MS4A4A: variants seen among roughly 807,000 people sequenced by gnomAD.
The protein encoded by MS4A4A is membrane spanning 4-domains A4A, also known as membrane-spanning 4-domains subfamily A member 4A.
In MS4A4A, 26 loss-of-function variants were observed where a neutral mutation model predicts 28.0. The observed-to-expected ratio is 0.93, with a 90% CI of 0.68 to 1.29. The LOEUF (loss-of-function observed/expected upper bound fraction) is 1.29. Ranked by LOEUF, MS4A4A falls within the 50% of genes most tolerant of loss-of-function variation. The pLI is 0.00. For synonymous variants in MS4A4A, 86 were observed against 100.8 expected, an observed-to-expected ratio of 0.85 and a Z score of 0.88; for missense variants, 290 against 293.1, an observed-to-expected ratio of 0.99 and a Z score of 0.08.
At chr11:60,306,792 CA>C (rs1219855115) in intron 6 of MS4A4A, among the ~76,000 whole-genome samples, 2 of 152,210 alleles carry the variant, frequency 1.3e-5, no homozygotes, top group African/African-American at 4.8e-5. Context: ...GAGGATATTT[CA>C]CAATGAAGAG....
intron 6 of MS4A4A, among the ~76,000 whole-genome samples, chr11:60,307,061 C>G (rs1385306272): frequency 6.6e-6 from 1 of 152,172 alleles, no homozygotes; most frequent in Non-Finnish European, 1.5e-5. Flanking sequence ...GGGATATCCT[C>G]CAAGAGTTGA....
intron 1 of MS4A4A, among the ~76,000 whole-genome samples, chr11:60,291,280 T>C (rs2084853747): frequency 6.6e-6 from 1 of 152,210 alleles, no homozygotes; most frequent in African/African-American, 2.4e-5. Flanking sequence ...GAGATTTAGA[T>C]TTGTGGTGCC....
intron 1 of MS4A4A, 139 bp downstream of exon 1, chr11:60,280,855 G>A: frequency 1.0e-6 from 1 of 956,538 alleles, no homozygotes; most frequent in Non-Finnish European, 1.6e-6. Context: ...GGGTTGGGGT[G>A]GGTTGAGTGC....
At chr11:60,296,900 G>C in intron 2 of MS4A4A, 1 of 317,152 alleles carries the variant, frequency 3.2e-6, no homozygotes, top group South Asian at 3.2e-5. Flanking sequence ...GAGAAAAAAA[G>C]AGAAATAATT....
intron 1 of MS4A4A, 99 bp from the exon 2 acceptor site, chr11:60,292,126 T>C: frequency 7.3e-7 from 1 of 1,370,002 alleles, no homozygotes; most frequent in South Asian, 1.6e-5. Context: ...GAAGAGAATG[T>C]AGACCAGATT....
chr11:60,295,849 T>C (rs1300193751), intron 2 of MS4A4A, among the ~76,000 whole-genome samples: 1 of 152,168 alleles, frequency 6.6e-6, no homozygotes, highest in African/African-American at 2.4e-5. Flanking sequence ...CAAGTGGTCA[T>C]GGTACACAAT....
chr11:60,292,184 C>T (rs1006003426), intron 1 of MS4A4A, 41 bp from the exon 2 acceptor site: 1 of 1,494,986 alleles, frequency 6.7e-7, no homozygotes, highest in Non-Finnish European at 8.9e-7. Flanking sequence ...CCTCTTTTGC[C>T]ATTTCCAGGA....
chr11:60,287,782 A>C lies in MS4A4A; in HGVS notation c.42-4443A>C, dbSNP rs558403951. Among the ~76,000 whole-genome samples, 9 of 152,336 alleles carry C rather than the reference A, an allele frequency of 5.9e-5. No individual in the cohort carries two copies. The South Asian group carries it at 1.9e-3, about 32-fold the overall frequency. On this transcript the variant is annotated intron_variant, in intron 1 of 6. Transcript: ENST00000337908. ...ACAAGTGATTTGTCTTCAAAATATA[A>C]TGGTGAAACAGGTGCAGAATAGACT...
At chr11:60,303,295 T>C (rs761620211) in intron 5 of MS4A4A, among the ~76,000 whole-genome samples, 100 of 152,226 alleles carry the variant, frequency 6.6e-4, no homozygotes, top group Non-Finnish European at 1.8e-4. Flanking sequence ...AAATGCCACC[T>C]ACACAATATT....
chr11:60,291,062 A>G (rs2084851742), intron 1 of MS4A4A, among the ~76,000 whole-genome samples: 1 of 152,258 alleles, frequency 6.6e-6, no homozygotes, highest in African/African-American at 2.4e-5. Context: ...GAAGTTGATC[A>G]TGAAACACCT....
At chr11:60,304,512 C>T (rs181660153) in intron 5 of MS4A4A, among the ~76,000 whole-genome samples, 2 of 152,306 alleles carry the variant, frequency 1.3e-5, no homozygotes, top group African/African-American at 4.8e-5. Flanking sequence ...AGCAGAGGAC[C>T]TCCATAAGGG....
At chr11:60,293,115 T>A (rs1273594116) in intron 2 of MS4A4A, among the ~76,000 whole-genome samples, 3 of 152,220 alleles carry the variant, frequency 2.0e-5, no homozygotes, top group Non-Finnish European at 4.4e-5. Context: ...TGGAGTGCAG[T>A]GGCACAATCT....
chr11:60,292,414 G>C (rs372690557), intron 2 of MS4A4A, 30 bp downstream of exon 2: 2 of 1,552,450 alleles, frequency 1.3e-6, no homozygotes, highest in African/African-American at 1.4e-5. Flanking sequence ...GAAGACCAAT[G>C]GTGTTGCAAA....
chr11:60,288,110 A>G (rs531232933), intron 1 of MS4A4A, among the ~76,000 whole-genome samples: 2 of 151,772 alleles, frequency 1.3e-5, no homozygotes, highest in Non-Finnish European at 2.9e-5. Flanking sequence ...CCTAACTGGG[A>G]CTCTGTGTTG....
chr11:60,294,907 TC>T (rs1565145948), intron 2 of MS4A4A, among the ~76,000 whole-genome samples: 1 of 88,552 alleles, frequency 1.1e-5, no homozygotes, highest in African/African-American at 3.2e-5. Context: ...TTCTTCTTCT[TC>T]TTCTTCTTCT....
At chr11:60,282,781 G>T in intron 1 of MS4A4A, 5 of 1,203,378 alleles carry the variant, frequency 4.2e-6, no homozygotes, top group Non-Finnish European at 5.3e-6. Flanking sequence ...CCGAGCTTTT[G>T]TTATCAACAT....
chr11:60,295,504 C>T (rs2084898306), intron 2 of MS4A4A, among the ~76,000 whole-genome samples: 1 of 152,012 alleles, frequency 6.6e-6, no homozygotes, highest in South Asian at 2.1e-4. Flanking sequence ...CTTACTGTTT[C>T]TGCTATGACT....
At chr11:60,301,090 AAAGG>A in intron 4 of MS4A4A, 33 bp downstream of exon 4, 4 of 1,496,148 alleles carry the variant, frequency 2.7e-6, no homozygotes, top group Non-Finnish European at 3.6e-6. Context: ...GGTATCAAAA[AAAGG>A]AAGGATTAAT....
intron 2 of MS4A4A, among the ~76,000 whole-genome samples, chr11:60,292,926 C>T (rs558488215): frequency 2.0e-5 from 3 of 152,236 alleles, no homozygotes; most frequent in African/African-American, 7.2e-5. Context: ...CTTCAAACCA[C>T]GGGAAAATGT....
Sources: allele counts gnomAD v4.1 joint callset (sites outside exome capture counted in the v4.1 genomes callset), GRCh38; gene constraint gnomAD v4.1.1; transcripts MANE v1.5; gene names NCBI Gene and HGNC (gene_info 2026-07-23, HGNC 2026-07-21).